Variants in PTPRD observed in about 807,000 individuals in gnomAD.
PTPRD encodes protein tyrosine phosphatase receptor type D.
A neutral mutation model predicts 214.5 loss-of-function variants in PTPRD; 34 were observed. That is an observed-to-expected ratio of 0.16 (90% CI 0.12 to 0.21). The LOEUF (loss-of-function observed/expected upper bound fraction) is 0.21. Among genes scored for constraint, PTPRD ranks in the 10% least tolerant of loss-of-function variants. PTPRD has a pLI of 1.00. For missense variants in PTPRD, 2,545 were observed against 2,398.7 expected (o/e 1.06, Z -1.27); for synonymous variants, 1,128 against 845.7 (o/e 1.33, Z -5.79).
chr9:9,075,063 A>G (rs1275860019), intron 10 of PTPRD, among the ~76,000 whole-genome samples: 1 of 152,102 alleles, frequency 6.6e-6, no homozygotes, highest in African/African-American at 2.4e-5. Context: ...ATTCCCTACA[A>G]AAAGATAATG....
At chr9:10,150,325 G>A (rs1016203607) in intron 3 of PTPRD, among the ~76,000 whole-genome samples, 1 of 152,140 alleles carries the variant, frequency 6.6e-6, no homozygotes, top group African/African-American at 2.4e-5. Context: ...GGAATACTAT[G>A]CAGCCATAAA....
Position 10,543,505 on chromosome 9 carries a change from C to CAG in PTPRD, c.-600+68892_-600+68893insCT, listed in dbSNP as rs1467221614. Among the ~76,000 whole-genome samples the CAG allele has an allele frequency of 2.0e-5, 3 of 151,022 alleles. No individual in the cohort carries two copies. In the South Asian group the frequency reaches 6.3e-4, roughly 32 times the overall value. ...ACACACACACACACACACACACACACAAACACACACACACGTACACACACA... is the reference window on the plus strand; with the variant it reads ...ACACACACACACACACACACACACACAGAAACACACACACACGTACACACACA... On this transcript the variant is annotated intron_variant, in intron 2 of 45. Coordinates refer to ENST00000381196, the MANE Select transcript of PTPRD (RefSeq NM_002839.4).
At chr9:8,870,687 A>AACACACACACACAC (rs3046878) in intron 11 of PTPRD, among the ~76,000 whole-genome samples, 1,776 of 131,408 alleles carry the variant, frequency 0.014, 31 homozygotes, top group South Asian at 0.032. Flanking sequence ...ACAGACATGA[A>AACACACACACACAC]ACACACACAC....
At chr9:10,128,296 T>C (rs577681219) in intron 3 of PTPRD, among the ~76,000 whole-genome samples, 12 of 152,214 alleles carry the variant, frequency 7.9e-5, no homozygotes, top group South Asian at 2.1e-4. Flanking sequence ...GCAGCTGCAA[T>C]AGTTAAAATG....
intron 14 of PTPRD, among the ~76,000 whole-genome samples, chr9:8,599,169 T>C (rs923929220): frequency 7.9e-5 from 12 of 152,142 alleles, no homozygotes; most frequent in African/African-American, 2.4e-4. Flanking sequence ...CATTCCACCA[T>C]GTAAAACATG....
chr9:10,157,719 A>G (rs2099102202), intron 3 of PTPRD, among the ~76,000 whole-genome samples: 1 of 152,180 alleles, frequency 6.6e-6, no homozygotes, highest in African/African-American at 2.4e-5. Flanking sequence ...ATGATATCCG[A>G]AAATATGTTT....
At chr9:10,245,598 C>G (rs1380808986) in intron 3 of PTPRD, among the ~76,000 whole-genome samples, 1 of 152,094 alleles carries the variant, frequency 6.6e-6, no homozygotes, top group African/African-American at 2.4e-5. Context: ...AAAGAAGTGA[C>G]TTGCTTCTTG....
intron 5 of PTPRD, among the ~76,000 whole-genome samples, chr9:9,914,754 C>G (rs1268575394): frequency 2.0e-5 from 3 of 152,190 alleles, no homozygotes; most frequent in East Asian, 1.9e-4. Flanking sequence ...CCCGGGCCAG[C>G]TGAGCCTGCT....
rs535767565 is a variant in PTPRD at position 9,851,531 on chromosome 9, T to C, written c.-367-84680A>G. ...CTTCAAGCAACTATCTGCATGATAA[T>C]ATTGAATTACATTATTTACAAAAGG... is the stretch of plus-strand genomic sequence containing the variant. On this transcript the variant is annotated intron_variant, in intron 5 of 45. Coordinates refer to ENST00000381196, the MANE Select transcript of PTPRD (RefSeq NM_002839.4). Among the ~76,000 whole-genome samples, 10 of 152,370 alleles carry C rather than the reference T, an allele frequency of 6.6e-5. No homozygotes were observed. The East Asian group carries it at 1.5e-3, about 23-fold the overall frequency.
chr9:9,331,974 C>A (rs919374946), intron 9 of PTPRD, among the ~76,000 whole-genome samples: 1 of 152,018 alleles, frequency 6.6e-6, no homozygotes, highest in Non-Finnish European at 1.5e-5. Context: ...ATCCCCCCAC[C>A]TCTTTTTCTC....
At chr9:9,210,247 T>A (rs1348850644) in intron 9 of PTPRD, among the ~76,000 whole-genome samples, 1 of 152,232 alleles carries the variant, frequency 6.6e-6, no homozygotes, top group African/African-American at 2.4e-5. Flanking sequence ...TCTCCACAAA[T>A]AATGTATTGG....
At chr9:9,973,884 C>T (rs2095251969) in intron 4 of PTPRD, among the ~76,000 whole-genome samples, 1 of 151,952 alleles carries the variant, frequency 6.6e-6, no homozygotes, top group Non-Finnish European at 1.5e-5. Context: ...CTAATAGACA[C>T]TTATGTGAAC....
rs1014923801 is a variant in PTPRD at position 9,929,471 on chromosome 9, G to A, written c.-368+9036C>T. Among the ~76,000 whole-genome samples, 2 of 152,172 alleles carry A rather than the reference G, an allele frequency of 1.3e-5. 1 individual carries two copies. The highest frequency in any genetic ancestry group is 1.3e-4 in the Admixed American group (2 of 15,280). ...TGCAGTGGCGTGATCTTGTCTCACT[G>A]CAACCTCTGCCTCCTGGGTTCAAAC... On this transcript the variant is annotated intron_variant, in intron 5 of 45. Transcript: ENST00000381196.
intron 39 of PTPRD, among the ~76,000 whole-genome samples, chr9:8,373,376 C>T (rs1483710181): frequency 6.6e-6 from 1 of 151,984 alleles, no homozygotes; most frequent in Non-Finnish European, 1.5e-5. Flanking sequence ...TCACAGAGCT[C>T]AGTTTATGCA....
chr9:10,326,228 A>C (rs2096640619), intron 3 of PTPRD, among the ~76,000 whole-genome samples: 1 of 151,714 alleles, frequency 6.6e-6, no homozygotes, highest in South Asian at 2.1e-4. Context: ...TTCTTTAATA[A>C]AAGGCTGTCA....
intron 8 of PTPRD, among the ~76,000 whole-genome samples, chr9:9,413,558 C>CA (rs890441863): frequency 1.3e-5 from 2 of 151,876 alleles, no homozygotes; most frequent in Admixed American, 6.6e-5. Context: ...CATCATTATC[C>CA]AAAAAAACAA....
At chr9:8,965,855 T>A (rs2099190803) in intron 11 of PTPRD, among the ~76,000 whole-genome samples, 1 of 152,140 alleles carries the variant, frequency 6.6e-6, no homozygotes, top group East Asian at 1.9e-4. Context: ...ATTATTTCTC[T>A]TCACTGACAA....
rs1379414620 is a variant in PTPRD, at chr9:10,045,785, C to T, written c.-544-11995G>A. Among the ~76,000 whole-genome samples, 11 of 151,784 alleles carry T rather than the reference C, an allele frequency of 7.2e-5. No individual in the cohort carries two copies. In the South Asian group the frequency reaches 1.2e-3, roughly 17 times the overall value. The stretch of plus-strand genomic sequence containing the variant: ...ACAAAGCAAACGTTTGCTACAAATG[C>T]TTTGCCACTAGTCTGTGCTGTTGTA... On this transcript the variant is annotated intron_variant, in intron 3 of 45. Transcript: ENST00000381196.
At chr9:10,394,555 T>C (rs1317515470) in intron 2 of PTPRD, among the ~76,000 whole-genome samples, 1 of 151,854 alleles carries the variant, frequency 6.6e-6, no homozygotes, top group Non-Finnish European at 1.5e-5. Context: ...ATGCACACCA[T>C]GAAACCTTAG....
Sources: gnomAD v4.1 joint callset for allele counts (sites outside exome capture counted in the v4.1 genomes callset) on GRCh38, gnomAD v4.1.1 for gene constraint, MANE v1.5 for transcripts, NCBI Gene and HGNC (gene_info 2026-07-23, HGNC 2026-07-21) for gene names.